SORCS2: variants seen among roughly 807,000 people sequenced by gnomAD.
The protein encoded by SORCS2 is VPS10 domain-containing receptor SorCS2.
SORCS2 carries 100 observed loss-of-function variants against 141.6 expected under a neutral mutation model. That is an observed-to-expected ratio of 0.71 (90% CI 0.60 to 0.83). The LOEUF (loss-of-function observed/expected upper bound fraction) is 0.83. Ranked by LOEUF, SORCS2 falls within the 40% of genes least tolerant of loss-of-function variation. The pLI is 0.00. For synonymous variants in SORCS2, 789 were observed against 676.9 expected, an observed-to-expected ratio of 1.17 and a Z score of -2.57; for missense variants, 1,646 against 1,560.2, an observed-to-expected ratio of 1.05 and a Z score of -0.93.
intron 2 of SORCS2, among the ~76,000 whole-genome samples, chr4:7,449,638 G>C (rs76135782): frequency 6.6e-6 from 1 of 151,832 alleles, no homozygotes. Context: ...ATGGATTCAC[G>C]TTGGGTGGGC....
chr4:7,283,305 A>T (rs1716007287), intron 1 of SORCS2, among the ~76,000 whole-genome samples: 1 of 152,230 alleles, frequency 6.6e-6, no homozygotes, highest in South Asian at 2.1e-4. Context: ...GGAGAGAATG[A>T]CTTGAGGAAG....
chr4:7,500,460 C>A (rs1373548289), intron 2 of SORCS2, among the ~76,000 whole-genome samples: 1 of 152,148 alleles, frequency 6.6e-6, no homozygotes, highest in Admixed American at 6.5e-5. Context: ...GGGTGCTACC[C>A]ACACTGAAGG....
Position 7,741,606 on chromosome 4 carries a change from G to A in SORCS2, c.*1342G>A, listed in dbSNP as rs73204739. On this transcript the variant is annotated 3_prime_UTR_variant, in exon 27 of 27. Transcript: ENST00000507866. ...CCTGGCTGGTGATGTGCTGGCTGGG[G>A]GTGAATCCCAATGAGGGTCCCTCTC... 479 of 195,230 alleles carry A rather than the reference G, an allele frequency of 2.5e-3. No individual in the cohort carries two copies. Among genetic ancestry groups the A allele is most frequent in the Non-Finnish European group, 3.5e-3 (339 of 97,088 alleles). 12.1% of individuals were successfully genotyped at this position (195,230 alleles called of 1,614,324 possible). A position where few individuals can be genotyped will look rare whatever the true frequency, so the allele number is the denominator to read the frequency against.
At chr4:7,654,347 C>T in intron 5 of SORCS2, 140 bp downstream of exon 5, 1 of 815,048 alleles carries the variant, frequency 1.2e-6, no homozygotes, top group Non-Finnish European at 1.9e-6. Context: ...TCCCCACCGT[C>T]CACTGCCTCT....
intron 3 of SORCS2, among the ~76,000 whole-genome samples, chr4:7,632,562 G>C (rs1295849925): frequency 6.6e-6 from 1 of 152,202 alleles, no homozygotes; most frequent in East Asian, 1.9e-4. Flanking sequence ...GCCCCAGGTT[G>C]TAATCATTTC....
rs1723817795 is a variant in SORCS2, at chr4:7,685,516, C to G, written c.1488+2627C>G. Among the ~76,000 whole-genome samples, 2 of 152,082 alleles carry G rather than the reference C, an allele frequency of 1.3e-5. 1 individual carries two copies. The highest frequency in any genetic ancestry group is 4.1e-4 in the South Asian group (2 of 4,824). ...TGAAACCCCGTCTCTACTAAAAATA[C>G]AAAAATTAGCCAGGCATGGTGGCAC... On this transcript the variant is annotated intron_variant, in intron 10 of 26. Coordinates refer to ENST00000507866, the MANE Select transcript of SORCS2 (RefSeq NM_020777.3).
intron 1 of SORCS2, among the ~76,000 whole-genome samples, chr4:7,307,028 C>A (rs1432604815): frequency 6.6e-6 from 1 of 152,196 alleles, no homozygotes; most frequent in Non-Finnish European, 1.5e-5. Flanking sequence ...GTGCAGCTCC[C>A]CAGGTTTCTC....
At chr4:7,417,438 G>A (rs991259811) in intron 2 of SORCS2, among the ~76,000 whole-genome samples, 10 of 152,174 alleles carry the variant, frequency 6.6e-5, no homozygotes, top group Non-Finnish European at 7.3e-5. Flanking sequence ...ATTATGCTAC[G>A]GATGGTAGCT....
Position 7,740,434 on chromosome 4 carries a change from A to G in SORCS2, c.*170A>G. On this transcript the variant is annotated 3_prime_UTR_variant, in exon 27 of 27. Transcript: ENST00000507866. The stretch of plus-strand genomic sequence containing the variant: ...GATAAATCCAAGCCCGCCCAGGCCC[A>G]CGGGGGGCCCACGGGACCCCCCGGG... 1.6e-6 allele frequency: 1 copy of G among 625,180 alleles called. No individual in the cohort carries two copies. Among genetic ancestry groups the G allele is most frequent in the East Asian group, 2.8e-5 (1 of 35,542 alleles). 38.7% of individuals were successfully genotyped at this position (625,180 alleles called of 1,614,324 possible).
chr4:7,638,547 C>T, intron 4 of SORCS2, 55 bp downstream of exon 4: 1 of 1,540,568 alleles, frequency 6.5e-7, no homozygotes, highest in South Asian at 1.2e-5. Flanking sequence ...CTGCTCGACC[C>T]ACCTGGAGGT....
chr4:7,667,407 C>G (rs562562217), intron 8 of SORCS2, among the ~76,000 whole-genome samples, 194 bp downstream of exon 8: 109 of 152,336 alleles, frequency 7.2e-4, no homozygotes, highest in Non-Finnish European at 1.2e-3. Context: ...CCAGACTCAG[C>G]TGTGCCCAGC....
chr4:7,612,893 T>TGGGAGGGGAACAAGAAGAAGGGTTGC (rs149108631), intron 3 of SORCS2, among the ~76,000 whole-genome samples: 1 of 147,414 alleles, frequency 6.8e-6, no homozygotes, highest in South Asian at 2.1e-4. Context: ...TGGGAGGAGA[T>TGGGAGGGGAACAAGAAGAAGGGTTGC]GGGAGGGGAA....
intron 9 of SORCS2, among the ~76,000 whole-genome samples, chr4:7,677,752 C>T (rs1723256694): frequency 6.6e-6 from 1 of 152,194 alleles, no homozygotes; most frequent in South Asian, 2.1e-4. Context: ...GCAATAATAA[C>T]CCATTTGTCA....
chr4:7,208,918 G>A (rs1451438949), intron 1 of SORCS2, among the ~76,000 whole-genome samples: 1 of 152,190 alleles, frequency 6.6e-6, no homozygotes, highest in East Asian at 1.9e-4. Flanking sequence ...GCTGGGGGGT[G>A]GGCAGCGTGT....
At chr4:7,241,771 C>T (rs942527947) in intron 1 of SORCS2, among the ~76,000 whole-genome samples, 1 of 152,194 alleles carries the variant, frequency 6.6e-6, no homozygotes, top group Non-Finnish European at 1.5e-5. Flanking sequence ...GCCTCACATC[C>T]GTTTGCTGAA....
At chr4:7,464,645 C>A (rs1463141289) in intron 2 of SORCS2, among the ~76,000 whole-genome samples, 1 of 152,214 alleles carries the variant, frequency 6.6e-6, no homozygotes, top group African/African-American at 2.4e-5. Context: ...AAAGGTAGGA[C>A]TAGGGGCTGC....
chr4:7,618,960 T>C (rs1468006236), intron 3 of SORCS2, among the ~76,000 whole-genome samples: 1 of 152,136 alleles, frequency 6.6e-6, no homozygotes, highest in Non-Finnish European at 1.5e-5. Flanking sequence ...CTGGCACCCA[T>C]AGGTCCTCGG....
At chr4:7,656,974 A>G (rs1453437941) in intron 5 of SORCS2, among the ~76,000 whole-genome samples, 1 of 152,208 alleles carries the variant, frequency 6.6e-6, no homozygotes, top group Non-Finnish European at 1.5e-5. Context: ...TGCCATTTCT[A>G]AGCAGTGGAG....
At chr4:7,253,724 G>T (rs1713658541) in intron 1 of SORCS2, among the ~76,000 whole-genome samples, 1 of 152,236 alleles carries the variant, frequency 6.6e-6, no homozygotes, top group Admixed American at 6.5e-5. Flanking sequence ...GGGCCAGGGA[G>T]GATGTGCTGG....
Sources: allele counts gnomAD v4.1 joint callset (sites outside exome capture counted in the v4.1 genomes callset), GRCh38; gene constraint gnomAD v4.1.1; transcripts MANE v1.5; gene names NCBI Gene and HGNC (gene_info 2026-07-23, HGNC 2026-07-21).